PALD1: variants seen among roughly 807,000 people sequenced by gnomAD.
PALD1 encodes the protein paladin.
A neutral mutation model predicts 96.0 loss-of-function variants in PALD1; 57 were observed. The ratio of observed to expected loss-of-function variants is 0.59; its 90% CI spans 0.48 to 0.74. PALD1 has a LOEUF of 0.74. Among genes scored for constraint, PALD1 ranks in the 30% least tolerant of loss-of-function variants. PALD1 has a pLI of 0.00. For missense variants in PALD1, 1,063 were observed against 1,143.7 expected, an observed-to-expected ratio of 0.93 and a Z score of 1.02; for synonymous variants, 464 against 473.6, an observed-to-expected ratio of 0.98 and a Z score of 0.26.
At chr10:70,476,112 C>T (rs373725483), upstream of PALD1, among the ~76,000 whole-genome samples, 1 of 152,136 alleles carries the variant, frequency 6.6e-6, no homozygotes, top group Non-Finnish European at 1.5e-5. Context: ...GAGTGGGGGT[C>T]AGTCCCGACC....
At chr10:70,500,484 A>G (rs1449988580) in intron 1 of PALD1, among the ~76,000 whole-genome samples, 2 of 152,058 alleles carry the variant, frequency 1.3e-5, no homozygotes, top group South Asian at 2.1e-4. Context: ...TCTTCCCACA[A>G]TACTATACAG....
intron 17 of PALD1, among the ~76,000 whole-genome samples, chr10:70,545,450 G>A (rs1847342983): frequency 1.3e-5 from 2 of 152,034 alleles, no homozygotes; most frequent in Non-Finnish European, 2.9e-5. Context: ...TGGATCAGGT[G>A]CCAGCTGTAG....
At position 70,538,970 on chromosome 10, in the gene PALD1, C is replaced by T. The variant is rs745417086; in HGVS notation, c.1531C>T (p.Arg511Cys). The T allele has an allele frequency of 5.0e-6, 8 of 1,613,822 alleles. No homozygotes were observed. Among genetic ancestry groups the T allele is most frequent in the Admixed American group, 1.7e-5 (1 of 60,030 alleles). The change falls in exon 13 of 20, where the codon CGC becomes TGC. Residue 511 changes from arginine to cysteine, a missense_variant. Arg to Cys is a radical substitution (Grantham distance 180, BLOSUM62 -3). Transcript: ENST00000263563. ...MDVANFRRVPRMPIYGTAQPS... is the reference protein window; with the variant it reads ...MDVANFRRVPCMPIYGTAQPS... ...TGTGGCCAACTTCCGGCGGGTGCCCCGCATGCCCATCTACGGCACGGCCCA... is the reference window on the plus strand; with the variant it reads ...TGTGGCCAACTTCCGGCGGGTGCCCTGCATGCCCATCTACGGCACGGCCCA...
chr10:70,534,641 T>C (rs1847071088), intron 9 of PALD1, 98 bp from the exon 10 acceptor site: 1 of 1,180,672 alleles, frequency 8.5e-7, no homozygotes, highest in Non-Finnish European at 1.2e-6. Flanking sequence ...GCCAATCTTT[T>C]TCTTTCCCTC....
chr10:70,564,817 G>C (rs7094507), intron 19 of PALD1, among the ~76,000 whole-genome samples: 146,012 of 152,322 alleles, frequency 0.96, 70,274 homozygotes, highest in East Asian at 1. Flanking sequence ...GCCTCTGGGG[G>C]TGGGACCCTG....
intron 10 of PALD1, among the ~76,000 whole-genome samples, chr10:70,536,164 C>T (rs1396260072): frequency 1.3e-5 from 2 of 152,010 alleles, no homozygotes; most frequent in African/African-American, 4.8e-5. Flanking sequence ...TACCAGGGAG[C>T]TGGTGTGTGC....
In PALD1 at chr10:70,521,335, A is replaced by T. The variant is rs576040218; in HGVS notation, c.-29-4588A>T. ...TGTCAACTGCTGCCCCTTCCCAAAGACCAGCTGTCCTCATCTGAAAATGGA... is the reference window on the plus strand; with the variant it reads ...TGTCAACTGCTGCCCCTTCCCAAAGTCCAGCTGTCCTCATCTGAAAATGGA... On this transcript the variant is annotated intron_variant, in intron 1 of 19. Coordinates refer to ENST00000263563, the MANE Select transcript of PALD1 (RefSeq NM_014431.3). Among the ~76,000 whole-genome samples, 8 of 152,102 alleles carry T rather than the reference A, an allele frequency of 5.3e-5. No homozygotes were observed. In the East Asian group the frequency reaches 1.5e-3, roughly 29 times the overall value.
In PALD1 at chr10:70,555,777, G is replaced by A. The variant is rs554728211; in HGVS notation, c.2262+8331G>A. ...AACACCTTGGGAGGCTGAGGCGGGC[G>A]GATCACTAGGTCAGGAGATCGAGAC... On this transcript the variant is annotated intron_variant, in intron 18 of 19. Transcript: ENST00000263563. Among the ~76,000 whole-genome samples the A allele has an allele frequency of 4.2e-3, 635 of 152,298 alleles. 3 individuals are homozygous for A. Among genetic ancestry groups the A allele is most frequent in the Non-Finnish European group, 6.9e-3 (472 of 68,026 alleles).
chr10:70,495,838 T>A lies in PALD1; in HGVS notation c.-30+16779T>A, dbSNP rs549961765. On this transcript the variant is annotated intron_variant, in intron 1 of 19. Coordinates refer to ENST00000263563, the MANE Select transcript of PALD1 (RefSeq NM_014431.3). Reference sequence around the variant, plus strand: ...TGGGCAGCATAGTGAGATTCTTGTCTCTACAAAAAAAAAAAAAAAAATTAG... The same window carrying A: ...TGGGCAGCATAGTGAGATTCTTGTCACTACAAAAAAAAAAAAAAAAATTAG... Among the ~76,000 whole-genome samples the A allele has an allele frequency of 3.7e-3, 522 of 141,158 alleles. 3 individuals carry two copies. The highest frequency in any genetic ancestry group is 6.0e-3 in the Non-Finnish European group (392 of 65,694). 92.6% of individuals were successfully genotyped at this position (141,158 alleles called of 152,430 possible). A position where few individuals can be genotyped will look rare whatever the true frequency, so the allele number is the denominator to read the frequency against.
Position 70,547,451 on chromosome 10 carries a change from G to GCCCCCC in PALD1, c.2262+10_2262+11insCCCCCC, listed in dbSNP as rs1034797417. 2.5e-6 allele frequency: 4 copies of GCCCCCC among 1,585,846 alleles called. No homozygotes were observed. Among genetic ancestry groups the GCCCCCC allele is most frequent in the Non-Finnish European group, 3.4e-6 (4 of 1,164,776 alleles). ...ATCATCTGCACCTACCGCCAGGTGAGCCCCCACCCCACCCCACCCCACCCT... is the reference window on the plus strand; with the variant it reads ...ATCATCTGCACCTACCGCCAGGTGAGCCCCCCCCCCCACCCCACCCCACCCCACCCT... On this transcript the variant is annotated splice_donor_region_variant and intron_variant, in intron 18 of 19. Transcript: ENST00000263563.
chr10:70,466,603 A>T, the PALD1 span, among the ~76,000 whole-genome samples: 1 of 152,184 alleles, frequency 6.6e-6, no homozygotes, highest in Non-Finnish European at 1.5e-5. Flanking sequence ...TAGCTGTGCA[A>T]CCATCAGCAC....
chr10:70,555,555 G>A (rs915533126), intron 18 of PALD1, among the ~76,000 whole-genome samples: 4 of 152,214 alleles, frequency 2.6e-5, no homozygotes, highest in African/African-American at 9.6e-5. Context: ...TGACTGCCTG[G>A]GTTGGTGCAG....
chr10:70,469,156 G>A, the PALD1 span, among the ~76,000 whole-genome samples: 1 of 152,164 alleles, frequency 6.6e-6, no homozygotes, highest in African/African-American at 2.4e-5. Context: ...GCTGGCAGGC[G>A]GCTAAGGGTC....
Position 70,539,590 on chromosome 10 carries a change from C to T in PALD1, c.1736C>T (p.Ala579Val). Residue 579 changes from alanine to valine, a missense_variant, in exon 15 of 20, where the codon GCC becomes GTC. Transcript: ENST00000263563. The surrounding 1 kb of genome is among the most constrained non-coding windows in gnomAD (Gnocchi z 4.5). ...VAPDQLETLEAQLKAHLSEPP... is the reference protein window; with the variant it reads ...VAPDQLETLEVQLKAHLSEPP... ...CCTGCCCTTGCCCAGACCCTGGAGG[C>T]CCAGCTGAAGGCCCATCTAAGCGAG... 1 of 1,608,918 alleles carries T rather than the reference C, an allele frequency of 6.2e-7. No homozygotes were observed. The highest frequency in any genetic ancestry group is 8.5e-7 in the Non-Finnish European group (1 of 1,177,010).
chr10:70,502,769 C>T (rs1846323028), intron 1 of PALD1, among the ~76,000 whole-genome samples: 1 of 152,198 alleles, frequency 6.6e-6, no homozygotes, highest in Admixed American at 6.5e-5. Flanking sequence ...GGAGAGAGCC[C>T]GTCCCCAGTG....
chr10:70,555,677 C>A lies in PALD1; in HGVS notation c.2262+8231C>A, dbSNP rs1427104789. On this transcript the variant is annotated intron_variant, in intron 18 of 19. Transcript: ENST00000263563. ...AGACCAGAGAGCTCTGGCTCTGAGC[C>A]CCAGGCAGGGTCTTTCTCAGCCTCT... Among the ~76,000 whole-genome samples, 3 of 152,222 alleles carry A rather than the reference C, an allele frequency of 2.0e-5. No individual in the cohort carries two copies. The South Asian group carries it at 6.2e-4, about 31-fold the overall frequency.
rs112466116 is a variant in PALD1 at position 70,529,210 on chromosome 10, C to CT, written c.186-19_186-18insT. 1 of 29,926 alleles carries CT rather than the reference C, an allele frequency of 3.3e-5. No individual in the cohort carries two copies. The highest frequency in any genetic ancestry group is 6.9e-4 in the African/African-American group (1 of 1,454). 1.9% of individuals were successfully genotyped at this position (29,926 alleles called of 1,614,324 possible). On this transcript the variant is annotated intron_variant, in intron 2 of 19. Transcript: ENST00000263563. ...TTGCTTGACTCAGTTTCCATTCTGC[C>CT]CCCCCCCCCCCCCCCCAGGTACAAC...
intron 18 of PALD1, among the ~76,000 whole-genome samples, chr10:70,549,261 T>C (rs1320125691): frequency 6.6e-6 from 1 of 152,164 alleles, no homozygotes; most frequent in African/African-American, 2.4e-5. Context: ...CCTCCCACTT[T>C]CAGAGGATGC....
the PALD1 span, among the ~76,000 whole-genome samples, chr10:70,466,300 T>C: frequency 1.4e-4 from 21 of 152,086 alleles, no homozygotes; most frequent in South Asian, 4.4e-3. Context: ...GGCTGGAGTG[T>C]AGTGGCGCGA....
Sources: allele counts gnomAD v4.1 joint callset (sites outside exome capture counted in the v4.1 genomes callset), GRCh38; gene constraint gnomAD v4.1.1; non-coding constraint Gnocchi (gnomAD v3.1); transcripts MANE v1.5; gene names NCBI Gene and HGNC (gene_info 2026-07-23, HGNC 2026-07-21).